The following PUM2 variants were observed in gnomAD, a reference collection of about 807,000 sequenced individuals.
PUM2 encodes the protein pumilio RNA binding family member 2.
Under a neutral mutation model 124.5 loss-of-function variants are expected in PUM2, and 57 were observed. The observed-to-expected ratio is 0.46, with a 90% CI of 0.37 to 0.57. The LOEUF (loss-of-function observed/expected upper bound fraction) is 0.57, where lower values mean the gene tolerates loss of function less well. PUM2 is among the 20% of genes least tolerant of loss of function. The pLI is 0.00. For synonymous variants in PUM2, 460 were observed against 446.1 expected (o/e 1.03, Z -0.39); for missense variants, 1,065 against 1,290.6 (o/e 0.83, Z 2.68).
chr2:20,277,099 C>CTAAA (rs1670443384), intron 13 of PUM2, among the ~76,000 whole-genome samples: 1 of 152,176 alleles, frequency 6.6e-6, no homozygotes, highest in East Asian at 1.9e-4. Flanking sequence ...TATACAGGCA[C>CTAAA]TAAAGCACAA....
At chr2:20,264,458 G>C (rs1245823724) in intron 13 of PUM2, among the ~76,000 whole-genome samples, 3 of 132,486 alleles carry the variant, frequency 2.3e-5, no homozygotes, top group African/African-American at 8.5e-5. Flanking sequence ...ATTATTCCTA[G>C]AGCCTTATCA....
chr2:20,280,970 T>C (rs746529801), intron 12 of PUM2, among the ~76,000 whole-genome samples: 19 of 152,168 alleles, frequency 1.2e-4, no homozygotes, highest in East Asian at 3.8e-4. Flanking sequence ...AATTTCATCA[T>C]AGAGGTAAGA....
intron 20 of PUM2, among the ~76,000 whole-genome samples, chr2:20,252,988 G>C (rs1663821175): frequency 6.6e-6 from 1 of 152,040 alleles, no homozygotes; most frequent in Non-Finnish European, 1.5e-5. Flanking sequence ...TGAGTATATG[G>C]GAGGATATGT....
At chr2:20,340,043 T>C (rs1051693330) in intron 1 of PUM2, among the ~76,000 whole-genome samples, 1 of 152,190 alleles carries the variant, frequency 6.6e-6, no homozygotes, top group African/African-American at 2.4e-5. Flanking sequence ...CCAATATATT[T>C]GACAGTATGC....
chr2:20,292,420 T>C (rs1674383046), intron 9 of PUM2, among the ~76,000 whole-genome samples: 1 of 151,840 alleles, frequency 6.6e-6, no homozygotes. Flanking sequence ...TGGAGTGCAA[T>C]GGCATGATCT....
intron 7 of PUM2, among the ~76,000 whole-genome samples, chr2:20,303,868 A>G (rs1319395035): frequency 6.6e-6 from 1 of 152,238 alleles, no homozygotes; most frequent in African/African-American, 2.4e-5. Flanking sequence ...GACTTCTGAT[A>G]ATCTCTGATG....
At chr2:20,351,883 C>A (rs1309270528), upstream of PUM2, among the ~76,000 whole-genome samples, 1 of 152,220 alleles carries the variant, frequency 6.6e-6, no homozygotes, top group Admixed American at 6.5e-5. Flanking sequence ...CTGTTGAATA[C>A]ACATGGGCTC....
At chr2:20,336,782 G>A (rs945330711) in intron 1 of PUM2, among the ~76,000 whole-genome samples, 10 of 144,848 alleles carry the variant, frequency 6.9e-5, no homozygotes, top group Non-Finnish European at 1.2e-4. Flanking sequence ...GTGTGTGTGT[G>A]TGTGTGTGTG....
chr2:20,346,295 T>C (rs962868930), intron 1 of PUM2, among the ~76,000 whole-genome samples: 3 of 152,236 alleles, frequency 2.0e-5, no homozygotes, highest in Non-Finnish European at 2.9e-5. Flanking sequence ...TAAGCTACTA[T>C]GGAGATGTTC....
intron 7 of PUM2, among the ~76,000 whole-genome samples, chr2:20,306,490 TAA>T (rs910641984): frequency 6.7e-6 from 1 of 149,148 alleles, no homozygotes; most frequent in Admixed American, 6.7e-5. Flanking sequence ...ATTTCTAACA[TAA>T]GAGGACAAAC....
intron 14 of PUM2, among the ~76,000 whole-genome samples, chr2:20,261,807 G>C (rs546673831): frequency 3.9e-5 from 6 of 152,292 alleles, no homozygotes; most frequent in African/African-American, 1.2e-4. Flanking sequence ...TTTTCGTACA[G>C]CTGTACAATG....
chr2:20,308,225 C>T (rs1678793596), intron 6 of PUM2, 89 bp downstream of exon 6: 1 of 1,502,966 alleles, frequency 6.7e-7, no homozygotes. Context: ...CTCAAAAACC[C>T]CTACCATTCT....
At chr2:20,316,205 T>C (rs1305707573) in intron 3 of PUM2, among the ~76,000 whole-genome samples, 1 of 152,220 alleles carries the variant, frequency 6.6e-6, no homozygotes, top group Non-Finnish European at 1.5e-5. Flanking sequence ...AAAATTTTTG[T>C]CTAAATTACT....
At position 20,263,344 on chromosome 2, in the gene PUM2, G is replaced by A; in HGVS notation, c.2074C>T (p.Pro692Ser). The A allele has an allele frequency of 1.2e-6, 2 of 1,614,204 alleles. No homozygotes were observed. The highest frequency in any genetic ancestry group is 1.7e-6 in the Non-Finnish European group (2 of 1,180,028). ...LFSSSSQLFP[P>S]SRLRYNRSDI... ...GACCTATTATACCGAAGCCGGGAAG[G>A]AGGAAAGAGCTGGCTGCTGGAGCTA... Residue 692 changes from proline to serine, a missense_variant, in exon 14 of 21, where the codon CCT (proline) becomes TCT (serine). Physicochemically the swap from Pro to Ser is moderately conservative, Grantham distance 74. This residue lies in a region of PUM2 where 968 missense variants were observed against 1,159.8 expected (regional missense o/e 0.83). Transcript: ENST00000361078.
chr2:20,291,467 C>T (rs1271955234), intron 9 of PUM2, among the ~76,000 whole-genome samples: 1 of 152,224 alleles, frequency 6.6e-6, no homozygotes, highest in Non-Finnish European at 1.5e-5. Context: ...CTGCATATTC[C>T]TCTGTTCCTT....
intron 5 of PUM2, among the ~76,000 whole-genome samples, chr2:20,309,743 A>C (rs1489939987): frequency 6.6e-6 from 1 of 152,152 alleles, no homozygotes; most frequent in Non-Finnish European, 1.5e-5. Flanking sequence ...CAGTTGCTAC[A>C]GCTAACTCTT....
chr2:20,329,528 C>G (rs1294572898), intron 1 of PUM2, among the ~76,000 whole-genome samples: 2 of 151,700 alleles, frequency 1.3e-5, no homozygotes, highest in Non-Finnish European at 2.9e-5. Flanking sequence ...TTGGGTATGT[C>G]TGAAGAACAA....
intron 1 of PUM2, among the ~76,000 whole-genome samples, chr2:20,334,156 TA>T (rs1033013581): frequency 6.6e-6 from 1 of 151,492 alleles, no homozygotes; most frequent in Non-Finnish European, 1.5e-5. Flanking sequence ...AATTTTTTTT[TA>T]AAAAATTAGC....
In PUM2 at chr2:20,278,597, G is replaced by C; in HGVS notation, c.1943C>G (p.Ser648Cys). The C allele has an allele frequency of 6.2e-7, 1 of 1,611,366 alleles. No individual in the cohort carries two copies. Among genetic ancestry groups the C allele is most frequent in the Non-Finnish European group, 8.5e-7 (1 of 1,177,982 alleles). The stretch of plus-strand genomic sequence containing the variant: ...TTTTTTTTTACCTAAATGCAAACTG[G>C]ATGAGGATCCATGTGATGAAAGTGA... ...PPSLSSHGSSSSLHLGGLTNG... is the reference protein window; with the variant it reads ...PPSLSSHGSSCSLHLGGLTNG... Residue 648 changes from serine to cysteine, a missense_variant, in exon 13 of 21, where the codon TCC (serine) becomes TGC (cysteine). This residue lies in a region of PUM2 where 968 missense variants were observed against 1,159.8 expected (regional missense o/e 0.83). Coordinates refer to ENST00000361078, the MANE Select transcript of PUM2 (RefSeq NM_015317.5).
Sources: gnomAD v4.1 joint callset for allele counts (sites outside exome capture counted in the v4.1 genomes callset) on GRCh38, gnomAD v4.1.1 for gene constraint, gnomAD v4.1.1 regional missense constraint, MANE v1.5 for transcripts, NCBI Gene and HGNC (gene_info 2026-07-23, HGNC 2026-07-21) for gene names.